Variants in SP140 observed in about 807,000 individuals in gnomAD.
SP140 encodes SP140 nuclear body protein, also known as nuclear body protein SP140.
A neutral mutation model predicts 125.0 loss-of-function variants in SP140; 81 were observed. The ratio of observed to expected loss-of-function variants is 0.65; its 90% CI spans 0.54 to 0.78. SP140 has a LOEUF of 0.78. Among genes scored for constraint, SP140 ranks in the 30% least tolerant of loss-of-function variants. The pLI is 0.00. For synonymous variants in SP140, 312 were observed against 354.0 expected (o/e 0.88, Z 1.33); for missense variants, 858 against 1,037.0 (o/e 0.83, Z 2.37).
chr2:230,300,523 T>C (rs2058189512), intron 22 of SP140, among the ~76,000 whole-genome samples: 2 of 152,138 alleles, frequency 1.3e-5, no homozygotes, highest in Admixed American at 1.3e-4. Context: ...CCAGTAGCTC[T>C]TCTGGGTGGC....
chr2:230,204,784 G>C (rs1391452888), intron 1 of SP140, among the ~76,000 whole-genome samples: 1 of 152,186 alleles, frequency 6.6e-6, no homozygotes, highest in Non-Finnish European at 1.5e-5. Context: ...GTCAGAGTAT[G>C]TATTCCTGAG....
chr2:230,203,431 G>T (rs1363940413), intron 1 of SP140: 2 of 153,152 alleles, frequency 1.3e-5, no homozygotes, highest in Non-Finnish European at 2.9e-5. Flanking sequence ...CTTCCCGCAC[G>T]CAAGTGCGGT....
In SP140 at chr2:230,292,747, A is replaced by T; in HGVS notation, c.1927A>T (p.Ser643Cys). ...TGCAAGATCAAAGAACTGGAGGCTG[A>T]GTGTGCGCTGTGGCGGGTGGCCCCT... ...GHARSKNWRL[S>C]VRCGGWPLRW... The change falls in exon 20 of 27, where the codon AGT becomes TGT. Residue 643 changes from serine to cysteine, a missense_variant. Physicochemically the swap from Ser to Cys is moderately radical, Grantham distance 112 (BLOSUM62 -1). Transcript: ENST00000392045. 6.2e-7 allele frequency: 1 copy of T among 1,614,230 alleles called. No homozygotes were observed. Among genetic ancestry groups the T allele is most frequent in the African/African-American group, 1.3e-5 (1 of 75,058 alleles).
At chr2:230,190,432 G>A in the SP140 span, among the ~76,000 whole-genome samples, 1 of 149,848 alleles carries the variant, frequency 6.7e-6, no homozygotes, top group Non-Finnish European at 1.5e-5. Context: ...ATATGTTTAA[G>A]TTCCTTGTAA....
intron 3 of SP140, among the ~76,000 whole-genome samples, chr2:230,216,572 T>C (rs536743820): frequency 1.3e-5 from 2 of 152,334 alleles, no homozygotes; most frequent in South Asian, 4.1e-4. Context: ...TTTGTAGTCA[T>C]TGTTACAGCA....
intron 15 of SP140, among the ~76,000 whole-genome samples, chr2:230,274,359 G>A (rs137948626): frequency 4.7e-4 from 71 of 152,262 alleles, no homozygotes; most frequent in African/African-American, 1.7e-3. Context: ...GATCACATGG[G>A]CCACTAAAGT....
chr2:230,267,223 T>C (rs892682913), intron 12 of SP140, among the ~76,000 whole-genome samples: 1 of 152,176 alleles, frequency 6.6e-6, no homozygotes, highest in Admixed American at 6.5e-5. Flanking sequence ...TACAGGGAAG[T>C]GAGGTATACC....
intron 6 of SP140, 137 bp from the exon 7 acceptor site, chr2:230,245,726 A>G: frequency 1.6e-6 from 1 of 618,372 alleles, no homozygotes. Context: ...GAAGAAGTAG[A>G]GCCACTTTTG....
Position 230,250,999 on chromosome 2 carries a change from C to G in SP140, c.995C>G (p.Ser332Ter). The part of the protein sequence containing the change: ...GEGEEGSDDC[S>*]EMCDGEEPQE... Reference sequence around the variant, plus strand: ...TCTGCAGAGGGCAGTGATGACTGTTCAGAAATGTGTGATGGAGAAGAGCCC... The same window carrying G: ...TCTGCAGAGGGCAGTGATGACTGTTGAGAAATGTGTGATGGAGAAGAGCCC... Residue 332 changes from serine (S) to a stop codon, truncating the protein, a stop_gained, in exon 10 of 27, where the codon TCA becomes TGA. Coordinates refer to ENST00000392045, the MANE Select transcript of SP140 (RefSeq NM_007237.5). LOFTEE classifies it high-confidence loss of function. 6.2e-7 allele frequency: 1 copy of G among 1,613,830 alleles called. No homozygotes were observed. Among genetic ancestry groups the G allele is most frequent in the East Asian group, 2.2e-5 (1 of 44,878 alleles).
intron 3 of SP140, chr2:230,215,262 G>A: frequency 1.5e-6 from 1 of 688,458 alleles, no homozygotes; most frequent in South Asian, 1.8e-5. Flanking sequence ...CATTCTCTAA[G>A]GTAGAGCGGT....
chr2:230,202,636 C>A, upstream of SP140: 6 of 1,613,918 alleles, frequency 3.7e-6, no homozygotes, highest in Non-Finnish European at 5.1e-6. Context: ...CTTGTCTCTA[C>A]CGTGGAGTTA....
upstream of SP140, chr2:230,202,743 G>T (rs1424162378): frequency 6.2e-7 from 1 of 1,613,908 alleles, no homozygotes; most frequent in Admixed American, 1.7e-5. Context: ...ACCAAATAAT[G>T]ACTTGTTAAT....
At chr2:230,262,855 T>C (rs2052498077) in intron 12 of SP140, among the ~76,000 whole-genome samples, 1 of 152,166 alleles carries the variant, frequency 6.6e-6, no homozygotes, top group African/African-American at 2.4e-5. Context: ...TTAAATTTAT[T>C]GAGGCTCGTT....
upstream of SP140, among the ~76,000 whole-genome samples, chr2:230,225,376 G>T (rs1168162439): frequency 6.6e-6 from 1 of 152,138 alleles, no homozygotes; most frequent in Admixed American, 6.5e-5. Flanking sequence ...CCAAACACTG[G>T]GCCTAAGCCA....
chr2:230,227,591 C>G (rs1024665336), intron 1 of SP140, among the ~76,000 whole-genome samples: 1 of 152,158 alleles, frequency 6.6e-6, no homozygotes, highest in African/African-American at 2.4e-5. Context: ...TATTAATTAT[C>G]GATTCAAATT....
At chr2:230,246,954 T>C (rs1292574794) in intron 7 of SP140, among the ~76,000 whole-genome samples, 1 of 152,046 alleles carries the variant, frequency 6.6e-6, no homozygotes, top group Non-Finnish European at 1.5e-5. Flanking sequence ...GGGAACAATA[T>C]GGGACATTGT....
chr2:230,304,302 C>T (rs1431134700), intron 22 of SP140, among the ~76,000 whole-genome samples: 1 of 152,082 alleles, frequency 6.6e-6, no homozygotes, highest in Admixed American at 6.5e-5. Context: ...TGGGTAGAAT[C>T]AATATTGTGA....
Position 230,270,629 on chromosome 2 carries a change from G to T in SP140, c.1488G>T (p.Lys496Asn). 6.2e-7 allele frequency: 1 copy of T among 1,608,278 alleles called. No individual in the cohort carries two copies. Among genetic ancestry groups the T allele is most frequent in the Non-Finnish European group, 8.5e-7 (1 of 1,176,236 alleles). ...ACAACTCCACTTTGGGAAAACCCAA[G>T]AGGAAAAGAAGTAAGAATAAATAAG... The part of the protein sequence containing the change: ...IANNSTLGKP[K>N]RKRRKKRGHG... The change falls in exon 15 of 27, where the codon AAG (lysine) becomes AAT (asparagine). Residue 496 changes from lysine (K) to asparagine (N), a missense_variant. This residue lies in a region of SP140 where 791 missense variants were observed against 869.5 expected (regional missense o/e 0.91). Coordinates refer to ENST00000392045, the MANE Select transcript of SP140 (RefSeq NM_007237.5).
intron 22 of SP140, among the ~76,000 whole-genome samples, chr2:230,298,038 C>A (rs2057924787): frequency 1.3e-5 from 2 of 152,110 alleles, no homozygotes; most frequent in South Asian, 4.1e-4. Flanking sequence ...TTCAGGGAAG[C>A]CATTAGGGTG....
Sources: allele counts gnomAD v4.1 joint callset (sites outside exome capture counted in the v4.1 genomes callset), GRCh38; gene constraint gnomAD v4.1.1; regional missense constraint gnomAD v4.1.1; transcripts MANE v1.5; gene names NCBI Gene and HGNC (gene_info 2026-07-23, HGNC 2026-07-21).